USP33: variants seen among roughly 807,000 people sequenced by gnomAD.
USP33 encodes the protein ubiquitin carboxyl-terminal hydrolase 33.
USP33 carries 46 observed loss-of-function variants against 124.2 expected under a neutral mutation model. The ratio of observed to expected loss-of-function variants is 0.37; its 90% CI spans 0.29 to 0.47. USP33 has a LOEUF of 0.47. USP33 is among the 20% of genes least tolerant of loss of function. The probability of loss-of-function intolerance (pLI) is 0.99; values close to 1 mark genes in which losing one functional copy is unlikely to be tolerated. For missense variants in USP33, 851 were observed against 1,070.6 expected (o/e 0.79, Z 2.86); for synonymous variants, 350 against 352.3 (o/e 0.99, Z 0.07).
chr1:77,731,602 A>G (rs577023336), intron 7 of USP33, among the ~76,000 whole-genome samples: 1 of 150,704 alleles, frequency 6.6e-6, no homozygotes. Flanking sequence ...CAGAACTCCT[A>G]GGCTCCTCAA....
Position 77,697,908 on chromosome 1 carries a change from T to C in USP33, c.2533A>G (p.Thr845Ala), listed in dbSNP as rs1470046296. Residue 845 changes from threonine to alanine, a missense_variant, in exon 23 of 24, where the codon ACT (threonine) becomes GCT (alanine). By Grantham distance (58) the Thr-to-Ala change is moderately conservative (BLOSUM62 0). Coordinates refer to ENST00000370794, the MANE Select transcript of USP33 (RefSeq NM_201624.3). ...CCACATTTAGTGACTGCAATCTTAG[T>C]ATTGTCAATAGGACCTGGAGGATCT... ...DGDPPGPIDNTKIAVTKCGNV... is the reference protein window; with the variant it reads ...DGDPPGPIDNAKIAVTKCGNV... The C allele has an allele frequency of 1.2e-6, 2 of 1,610,352 alleles. No individual in the cohort carries two copies. The highest frequency in any genetic ancestry group is 1.7e-5 in the Admixed American group (1 of 59,224).
At position 77,715,762 on chromosome 1, in the gene USP33, T is replaced by A; in HGVS notation, c.2025A>T (p.Glu675Asp). 6.2e-7 allele frequency: 1 copy of A among 1,613,646 alleles called. No individual in the cohort carries two copies. The highest frequency in any genetic ancestry group is 8.5e-7 in the Non-Finnish European group (1 of 1,179,894). The change falls in exon 18 of 24, where the codon GAA (glutamate) becomes GAT (aspartate). Residue 675 changes from glutamate to aspartate, a missense_variant. This residue lies in a region of USP33 where 281 missense variants were observed against 425.0 expected (regional missense o/e 0.66). Coordinates refer to ENST00000370794, the MANE Select transcript of USP33 (RefSeq NM_201624.3). ...EVSESTVQNA[E>D]AYVLFYRKSS... ...ATTACCTATAGAAAAGAACGTAAGC[T>A]TCTGCATTTTGTACAGTAGATTCTG...
chr1:77,739,239 T>A (rs1557859353), intron 5 of USP33, 26 bp downstream of exon 5: 17 of 1,587,978 alleles, frequency 1.1e-5, no homozygotes, highest in African/African-American at 1.4e-5. Flanking sequence ...GTTTTACAGC[T>A]TAACTAAGTG....
intron 7 of USP33, among the ~76,000 whole-genome samples, chr1:77,732,379 T>C (rs1314416207): frequency 6.6e-6 from 1 of 152,130 alleles, no homozygotes; most frequent in African/African-American, 2.4e-5. Context: ...CTAGATGATG[T>C]AAACTACCAC....
intron 15 of USP33, chr1:77,720,553 T>G: frequency 1.0e-6 from 1 of 985,444 alleles, no homozygotes; most frequent in Non-Finnish European, 1.2e-6. Flanking sequence ...GAAGTCTGTA[T>G]TATCCCAGAT....
chr1:77,717,515 A>G (rs1000352269), intron 17 of USP33: 4 of 153,956 alleles, frequency 2.6e-5, no homozygotes, highest in African/African-American at 9.7e-5. Context: ...AATCATGTTA[A>G]TGCCTTATTA....
chr1:77,730,679 T>G lies in USP33; in HGVS notation c.577A>C (p.Lys193Gln), dbSNP rs766925971. The stretch of plus-strand genomic sequence containing the variant: ...TAACTTTTACAAATGGCAGGTTTCT[T>G]ATCTGTTCGAGCTAGTCCTCCACAA... Reference protein sequence around the residue: ...LDCGGLARTDKKPAICKSYLK... With the variant: ...LDCGGLARTDQKPAICKSYLK... Residue 193 changes from lysine (K) to glutamine (Q), a missense_variant, in exon 8 of 24, where the codon AAG becomes CAG. Transcript: ENST00000370794. 1 of 1,600,932 alleles carries G rather than the reference T, an allele frequency of 6.2e-7. No individual in the cohort carries two copies. The highest frequency in any genetic ancestry group is 1.3e-5 in the African/African-American group (1 of 74,630).
intron 1 of USP33, among the ~76,000 whole-genome samples, chr1:77,742,873 T>C (rs1570844539): frequency 1.3e-5 from 2 of 152,220 alleles, no homozygotes; most frequent in African/African-American, 4.8e-5. Context: ...TAGAACCCCT[T>C]TGTTACCCTG....
chr1:77,739,984 A>G (rs1678932219), intron 4 of USP33, among the ~76,000 whole-genome samples: 1 of 152,234 alleles, frequency 6.6e-6, no homozygotes, highest in Non-Finnish European at 1.5e-5. Context: ...ATGATATACA[A>G]TGATGACTCA....
At chr1:77,708,072 C>G (rs753936548) in intron 21 of USP33, among the ~76,000 whole-genome samples, 2 of 152,198 alleles carry the variant, frequency 1.3e-5, no homozygotes, top group Non-Finnish European at 2.9e-5. Flanking sequence ...TGTATTACAT[C>G]AGGCAGAAGC....
intron 9 of USP33, 93 bp downstream of exon 9, chr1:77,729,767 T>G: frequency 8.8e-7 from 1 of 1,135,210 alleles, no homozygotes; most frequent in South Asian, 1.3e-5. Flanking sequence ...CAAGGAGTGA[T>G]GACCCCAAAA....
intron 1 of USP33, chr1:77,745,468 TG>T (rs1262615384): frequency 1.3e-5 from 2 of 152,520 alleles, no homozygotes; most frequent in African/African-American, 4.8e-5. Flanking sequence ...GTCATTACGA[TG>T]TTAGCTGGTT....
chr1:77,705,463 G>T (rs1674524247), intron 21 of USP33, among the ~76,000 whole-genome samples: 1 of 152,116 alleles, frequency 6.6e-6, no homozygotes, highest in East Asian at 1.9e-4. Context: ...CCAAGGTGCT[G>T]GGATTACAGG....
Position 77,704,565 on chromosome 1 carries a change from T to C in USP33, c.2407-3094A>G, listed in dbSNP as rs571241861. 1.3e-3 allele frequency among the ~76,000 whole-genome samples: 191 copies of C among 152,356 alleles called. 2 individuals are homozygous for C. The highest frequency in any genetic ancestry group is 4.3e-3 in the African/African-American group (178 of 41,580). ...TCTAGTTCTGGAAAATTTATCTAAA[T>C]GGTTACTCTAAATGTAGTTCTCACT... On this transcript the variant is annotated intron_variant, in intron 21 of 23. Coordinates refer to ENST00000370794, the MANE Select transcript of USP33 (RefSeq NM_201624.3).
In USP33 at chr1:77,697,928, G is replaced by T. The variant is rs754152589; in HGVS notation, c.2513C>A (p.Pro838His). Reference protein sequence around the residue: ...ESFVKGKDGDPPGPIDNTKIA... With the variant: ...ESFVKGKDGDHPGPIDNTKIA... ...CTTAGTATTGTCAATAGGACCTGGA[G>T]GATCTAAAGGAAAAAATATCAAAAT... The change falls in exon 23 of 24, where the codon CCT becomes CAT. Residue 838 changes from proline (P) to histidine (H), a missense_variant. Coordinates refer to ENST00000370794, the MANE Select transcript of USP33 (RefSeq NM_201624.3). The T allele has an allele frequency of 6.3e-7, 1 of 1,595,966 alleles. No homozygotes were observed. Among genetic ancestry groups the T allele is most frequent in the Non-Finnish European group, 8.5e-7 (1 of 1,174,450 alleles).
chr1:77,723,239 G>C, intron 12 of USP33, 92 bp downstream of exon 12: 1 of 924,706 alleles, frequency 1.1e-6, no homozygotes, highest in Non-Finnish European at 1.7e-6. Flanking sequence ...CAATAGCAAA[G>C]AGAAGGAATT....
intron 21 of USP33, 111 bp from the exon 22 acceptor site, chr1:77,701,582 G>A: frequency 1.2e-6 from 1 of 819,014 alleles, no homozygotes; most frequent in South Asian, 1.6e-5. Flanking sequence ...GGAGGCTGAG[G>A]CAGGAGGAGT....
chr1:77,746,106 A>G (rs1475767152), intron 1 of USP33, among the ~76,000 whole-genome samples: 1 of 152,230 alleles, frequency 6.6e-6, no homozygotes, highest in Non-Finnish European at 1.5e-5. Flanking sequence ...GGTTTTTTGA[A>G]AAGATCAACA....
In USP33 at chr1:77,734,330, T is replaced by C. The variant is rs760240901; in HGVS notation, c.524+17A>G. On this transcript the variant is annotated intron_variant, in intron 7 of 23. Transcript: ENST00000370794. ...AAAAAATTATACAAATAAAACAAAA[T>C]TAATTTCTCTATTTACCAATTAGAA... is the stretch of plus-strand genomic sequence containing the variant. 11 of 1,542,470 alleles carry C rather than the reference T, an allele frequency of 7.1e-6. No homozygotes were observed. Among genetic ancestry groups the C allele is most frequent in the Non-Finnish European group, 7.9e-6 (9 of 1,140,998 alleles).
Sources: gnomAD v4.1 joint callset for allele counts (sites outside exome capture counted in the v4.1 genomes callset) on GRCh38, gnomAD v4.1.1 for gene constraint, gnomAD v4.1.1 regional missense constraint, MANE v1.5 for transcripts, NCBI Gene and HGNC (gene_info 2026-07-23, HGNC 2026-07-21) for gene names.